MARCHF1: variants seen among roughly 807,000 people sequenced by gnomAD.
MARCHF1 encodes membrane associated ring-CH-type finger 1.
In MARCHF1, 40 loss-of-function variants were observed where a neutral mutation model predicts 54.2. The observed-to-expected ratio is 0.74, with a 90% CI of 0.57 to 0.96. The LOEUF (loss-of-function observed/expected upper bound fraction) is 0.96, where lower values mean the gene tolerates loss of function less well. MARCHF1 is among the 40% of genes least tolerant of loss of function. The pLI is 0.00. For missense variants in MARCHF1, 586 were observed against 656.5 expected (o/e 0.89, Z 1.17); for synonymous variants, 236 against 236.3 (o/e 1.00, Z 0.01).
At chr4:164,149,143 C>T (rs1358680782) in intron 1 of MARCHF1, among the ~76,000 whole-genome samples, 1 of 152,126 alleles carries the variant, frequency 6.6e-6, no homozygotes, top group Non-Finnish European at 1.5e-5. Context: ...TGCCAGCTCC[C>T]CTTTTGCCTT....
chr4:164,063,397 C>G (rs1218415139), intron 2 of MARCHF1, among the ~76,000 whole-genome samples: 2 of 152,234 alleles, frequency 1.3e-5, no homozygotes, highest in Non-Finnish European at 2.9e-5. Context: ...TAGCTTGCTG[C>G]AGCTTCTCCA....
intron 3 of MARCHF1, among the ~76,000 whole-genome samples, chr4:163,895,445 A>G (rs887925154): frequency 1.6e-4 from 24 of 152,150 alleles, no homozygotes; most frequent in African/African-American, 5.3e-4. Context: ...CATATTTGTT[A>G]TGGGAAGGTA....
intron 7 of MARCHF1, among the ~76,000 whole-genome samples, chr4:163,605,418 G>A (rs372426026): frequency 1.3e-5 from 2 of 152,186 alleles, no homozygotes. Context: ...AGATGCTGGA[G>A]AGGATGTGGA....
chr4:163,717,753 A>G (rs911793782), intron 4 of MARCHF1, among the ~76,000 whole-genome samples: 7 of 152,284 alleles, frequency 4.6e-5, no homozygotes, highest in Middle Eastern at 6.8e-3. Context: ...GCCAGTGATA[A>G]TGAGCATTTT....
At chr4:163,960,985 CTG>C (rs962374815) in intron 3 of MARCHF1, among the ~76,000 whole-genome samples, 1 of 151,834 alleles carries the variant, frequency 6.6e-6, no homozygotes, top group African/African-American at 2.4e-5. Flanking sequence ...GAGTTTTCCT[CTG>C]TGTGCATGTG....
chr4:163,840,860 A>G (rs114418556), intron 4 of MARCHF1, among the ~76,000 whole-genome samples: 1,793 of 152,254 alleles, frequency 0.012, 37 homozygotes, highest in African/African-American at 0.041. Context: ...TAATCATTTT[A>G]CAATGTATGT....
intron 1 of MARCHF1, among the ~76,000 whole-genome samples, chr4:164,381,566 A>T (rs1246996082): frequency 6.6e-6 from 1 of 152,212 alleles, no homozygotes; most frequent in African/African-American, 2.4e-5. Context: ...TAAAGGTAAT[A>T]TCATATGCCA....
chr4:163,883,811 T>C (rs1750471908), intron 3 of MARCHF1, among the ~76,000 whole-genome samples: 1 of 151,924 alleles, frequency 6.6e-6, no homozygotes, highest in South Asian at 2.1e-4. Flanking sequence ...TGATGATAAA[T>C]ATTCAGACAA....
At chr4:163,779,048 T>C (rs7667470) in intron 4 of MARCHF1, among the ~76,000 whole-genome samples, 118,441 of 152,134 alleles carry the variant, frequency 0.78, 47,531 homozygotes, top group Non-Finnish European at 0.88. Flanking sequence ...ATCTCCTCTT[T>C]TCAAAAATGT....
At chr4:164,297,381 C>T (rs1560991965) in intron 1 of MARCHF1, among the ~76,000 whole-genome samples, 1 of 152,092 alleles carries the variant, frequency 6.6e-6, no homozygotes, top group Non-Finnish European at 1.5e-5. Flanking sequence ...ATGTTGAGAG[C>T]ATGGACCCCT....
intron 5 of MARCHF1, among the ~76,000 whole-genome samples, chr4:163,632,739 C>G (rs1319336413): frequency 6.6e-6 from 1 of 152,228 alleles, no homozygotes; most frequent in East Asian, 1.9e-4. Context: ...CTGGGTGGAG[C>G]CCACCATAGC....
At chr4:163,771,057 AT>A (rs1352323996) in intron 4 of MARCHF1, among the ~76,000 whole-genome samples, 2 of 152,204 alleles carry the variant, frequency 1.3e-5, no homozygotes, top group Non-Finnish European at 2.9e-5. Context: ...ATTCCATTAT[AT>A]TTTTTATAGA....
At position 163,976,380 on chromosome 4, in the gene MARCHF1, A is replaced by G. The variant is rs531067688; in HGVS notation, c.-39+12121T>C. Among the ~76,000 whole-genome samples, 4 of 152,308 alleles carry G rather than the reference A, an allele frequency of 2.6e-5. No individual in the cohort carries two copies. The East Asian group carries it at 7.7e-4, about 29-fold the overall frequency. The stretch of plus-strand genomic sequence containing the variant: ...TGATGACAAAATGAGGTGATACTTT[A>G]GAGGTCTTGGCGAAGGATAAAATAG... On this transcript the variant is annotated intron_variant, in intron 3 of 9. Coordinates refer to ENST00000514618, the MANE Select transcript of MARCHF1 (RefSeq NM_001394959.1).
intron 8 of MARCHF1, among the ~76,000 whole-genome samples, chr4:163,548,891 A>C (rs1739002686): frequency 6.6e-6 from 1 of 152,228 alleles, no homozygotes; most frequent in Non-Finnish European, 1.5e-5. Context: ...CCTTCAATTA[A>C]TATTCATGAT....
intron 4 of MARCHF1, among the ~76,000 whole-genome samples, chr4:163,793,698 G>T (rs1747831363): frequency 6.6e-6 from 1 of 152,146 alleles, no homozygotes; most frequent in African/African-American, 2.4e-5. Context: ...GACCTAATCA[G>T]TTATGTTATC....
chr4:163,684,306 C>A (rs560691063), intron 5 of MARCHF1, among the ~76,000 whole-genome samples: 1 of 152,110 alleles, frequency 6.6e-6, no homozygotes. Context: ...CTAGAAAAAT[C>A]ATGAAATATC....
intron 3 of MARCHF1, among the ~76,000 whole-genome samples, chr4:163,946,431 C>T (rs1752027991): frequency 6.6e-6 from 1 of 152,086 alleles, no homozygotes; most frequent in Non-Finnish European, 1.5e-5. Context: ...TCACCCTAAT[C>T]TTTTTAAAAA....
chr4:164,108,281 G>C (rs1755752057), intron 2 of MARCHF1, among the ~76,000 whole-genome samples: 1 of 152,036 alleles, frequency 6.6e-6, no homozygotes, highest in Non-Finnish European at 1.5e-5. Context: ...TACTAAGTAA[G>C]TTCCTGAGTC....
intron 1 of MARCHF1, among the ~76,000 whole-genome samples, chr4:164,292,770 A>T (rs1208090554): frequency 6.6e-6 from 1 of 152,222 alleles, no homozygotes; most frequent in Non-Finnish European, 1.5e-5. Context: ...AATTCACATT[A>T]ATATTAGTAA....
Sources: gnomAD v4.1 joint callset for allele counts (sites outside exome capture counted in the v4.1 genomes callset) on GRCh38, gnomAD v4.1.1 for gene constraint, MANE v1.5 for transcripts, NCBI Gene and HGNC (gene_info 2026-07-23, HGNC 2026-07-21) for gene names.